Variants in PIBF1 observed in about 807,000 individuals in gnomAD.
The protein encoded by PIBF1 is progesterone-induced-blocking factor 1.
A neutral mutation model predicts 112.5 loss-of-function variants in PIBF1; 90 were observed. The ratio of observed to expected loss-of-function variants is 0.80; its 90% CI spans 0.67 to 0.95. PIBF1 has a LOEUF of 0.95. Among genes scored for constraint, PIBF1 ranks in the 40% least tolerant of loss-of-function variants. PIBF1 has a pLI of 0.00. For synonymous variants in PIBF1, 301 were observed against 288.6 expected (o/e 1.04, Z -0.44); for missense variants, 915 against 852.3 (o/e 1.07, Z -0.92).
chr13:72,972,012 ATTTATTT>A (rs2042906206), intron 15 of PIBF1, among the ~76,000 whole-genome samples: 1 of 119,330 alleles, frequency 8.4e-6, no homozygotes, highest in African/African-American at 6.2e-5. Context: ...TCATTTATTT[ATTTATTT>A]ATTTATTTAT....
At chr13:72,910,847 CA>C (rs995364401) in intron 12 of PIBF1, among the ~76,000 whole-genome samples, 1 of 151,948 alleles carries the variant, frequency 6.6e-6, no homozygotes, top group African/African-American at 2.4e-5. Context: ...AAATTTAAGC[CA>C]AAAAACCCTA....
At chr13:72,994,615 A>G (rs2043588297) in intron 16 of PIBF1, among the ~76,000 whole-genome samples, 1 of 152,222 alleles carries the variant, frequency 6.6e-6, no homozygotes, top group African/African-American at 2.4e-5. Flanking sequence ...TGATAGTTAT[A>G]GAAGAGGAAA....
At chr13:72,948,537 C>T (rs2042210144) in intron 14 of PIBF1, among the ~76,000 whole-genome samples, 1 of 152,212 alleles carries the variant, frequency 6.6e-6, no homozygotes, top group South Asian at 2.1e-4. Context: ...GTTCTAATCT[C>T]TGCCTGTTAC....
chr13:72,805,014 CCTAGG>C (rs573463029), intron 5 of PIBF1, among the ~76,000 whole-genome samples: 64 of 152,286 alleles, frequency 4.2e-4, no homozygotes, highest in African/African-American at 1.4e-3. Context: ...ACTCTTGTCA[CCTAGG>C]CTGCAGTGCA....
At chr13:72,796,281 G>A (rs185844502) in intron 4 of PIBF1, among the ~76,000 whole-genome samples, 211 of 152,240 alleles carry the variant, frequency 1.4e-3, no homozygotes, top group African/African-American at 4.6e-3. Flanking sequence ...TAGGAAAGTC[G>A]TTTTGATCTT....
intron 9 of PIBF1, among the ~76,000 whole-genome samples, chr13:72,842,354 C>T (rs1436244782): frequency 6.6e-6 from 1 of 152,088 alleles, no homozygotes; most frequent in Non-Finnish European, 1.5e-5. Flanking sequence ...AATAGCTTTA[C>T]AATTGTTTGA....
intron 10 of PIBF1, among the ~76,000 whole-genome samples, chr13:72,865,417 G>A (rs1055758927): frequency 2.0e-5 from 3 of 152,082 alleles, no homozygotes; most frequent in African/African-American, 7.2e-5. Context: ...TTACATAGTT[G>A]CCAGCTCTGA....
At chr13:73,005,734 C>T (rs1367812962) in intron 17 of PIBF1, among the ~76,000 whole-genome samples, 1 of 152,010 alleles carries the variant, frequency 6.6e-6, no homozygotes, top group Non-Finnish European at 1.5e-5. Context: ...AACACTGTGC[C>T]TCCCAACATT....
intron 16 of PIBF1, among the ~76,000 whole-genome samples, chr13:72,977,328 C>G (rs554438109): frequency 6.6e-6 from 1 of 152,162 alleles, no homozygotes; most frequent in African/African-American, 2.4e-5. Flanking sequence ...CCTCAGCCCC[C>G]CAAGTAGCTG....
intron 16 of PIBF1, among the ~76,000 whole-genome samples, chr13:72,977,266 G>A (rs1406948160): frequency 2.0e-5 from 3 of 152,030 alleles, no homozygotes; most frequent in African/African-American, 7.2e-5. Flanking sequence ...GTGCAGTGGC[G>A]CTATTTCGGC....
At chr13:72,811,283 A>G (rs1302800708) in intron 5 of PIBF1, among the ~76,000 whole-genome samples, 2 of 152,182 alleles carry the variant, frequency 1.3e-5, no homozygotes, top group African/African-American at 4.8e-5. Flanking sequence ...ATAACTTTGA[A>G]TTTTTAATTA....
At chr13:72,860,016 G>A (rs985855927) in intron 10 of PIBF1, among the ~76,000 whole-genome samples, 1 of 152,184 alleles carries the variant, frequency 6.6e-6, no homozygotes, top group African/African-American at 2.4e-5. Context: ...ATCACTACAA[G>A]AAAGCGTAAA....
At chr13:72,865,091 A>G (rs1225915230) in intron 10 of PIBF1, among the ~76,000 whole-genome samples, 2 of 152,206 alleles carry the variant, frequency 1.3e-5, no homozygotes, top group Non-Finnish European at 2.9e-5. Context: ...TTGTTACTAC[A>G]TAAACCCTGT....
At chr13:72,912,417 A>G (rs561925318) in intron 12 of PIBF1, among the ~76,000 whole-genome samples, 2 of 152,332 alleles carry the variant, frequency 1.3e-5, no homozygotes, top group African/African-American at 4.8e-5. Flanking sequence ...AGTAAGCATA[A>G]TAAAAGTATT....
At chr13:72,943,993 C>T (rs1264702290) in intron 14 of PIBF1, among the ~76,000 whole-genome samples, 2 of 152,086 alleles carry the variant, frequency 1.3e-5, no homozygotes, top group Non-Finnish European at 2.9e-5. Flanking sequence ...GTTAATCACT[C>T]GGTAAATGTA....
chr13:72,794,643 T>C (rs912851241), intron 3 of PIBF1, among the ~76,000 whole-genome samples: 1 of 151,996 alleles, frequency 6.6e-6, no homozygotes, highest in African/African-American at 2.4e-5. Context: ...TAAATGGGAG[T>C]TCCCCTGCAC....
chr13:72,812,004 TA>T (rs2036046887), intron 5 of PIBF1, among the ~76,000 whole-genome samples: 1 of 152,170 alleles, frequency 6.6e-6, no homozygotes, highest in South Asian at 2.1e-4. Flanking sequence ...ACTGTGTGTA[TA>T]ATCTTTAGTA....
chr13:72,894,018 G>GTACTT, intron 11 of PIBF1, 69 bp downstream of exon 11: 1 of 351,046 alleles, frequency 2.8e-6, no homozygotes, highest in Non-Finnish European at 4.7e-6. Flanking sequence ...GATTTATATT[G>GTACTT]AGCTTTATTT....
At chr13:72,875,994 A>T (rs1033947077) in intron 10 of PIBF1, among the ~76,000 whole-genome samples, 1 of 152,010 alleles carries the variant, frequency 6.6e-6, no homozygotes, top group Admixed American at 6.5e-5. Context: ...TGTTTTGTCT[A>T]AAAAGTCATG....
Sources: gnomAD v4.1 joint callset for allele counts (sites outside exome capture counted in the v4.1 genomes callset) on GRCh38, gnomAD v4.1.1 for gene constraint, MANE v1.5 for transcripts, NCBI Gene and HGNC (gene_info 2026-07-23, HGNC 2026-07-21) for gene names.